Variants in WSCD1 observed in about 807,000 individuals in gnomAD.
The protein encoded by WSCD1 is WSC domain sialate O sulfotransferase 1, also known as sialate:O-sulfotransferase 1.
A neutral mutation model predicts 60.4 loss-of-function variants in WSCD1; 41 were observed. The ratio of observed to expected loss-of-function variants is 0.68; its 90% CI spans 0.53 to 0.88. The LOEUF (loss-of-function observed/expected upper bound fraction) is 0.88, where lower values mean the gene tolerates loss of function less well. Ranked by LOEUF, WSCD1 falls within the 40% of genes least tolerant of loss-of-function variation. WSCD1 has a pLI of 0.00. For missense variants in WSCD1, 784 were observed against 796.2 expected, an observed-to-expected ratio of 0.98 and a Z score of 0.18; for synonymous variants, 361 against 332.5, an observed-to-expected ratio of 1.09 and a Z score of -0.93.
chr17:6,094,993 G>A lies in WSCD1; in HGVS notation c.728-109G>A, dbSNP rs1597360394. On this transcript the variant is annotated intron_variant, in intron 4 of 8. Transcript: ENST00000317744. ...TCCCTCCCTGATTTGAACTCGCCTC[G>A]TAAGTTTATTTATACCTGTCTCAGG... 30 of 1,434,536 alleles carry A rather than the reference G, an allele frequency of 2.1e-5. No individual in the cohort carries two copies. The Middle Eastern group carries it at 9.2e-4, about 44-fold the overall frequency. The allele number at this position is 1,434,536 out of a possible 1,614,324, so 88.9% of individuals were successfully genotyped here.
Position 6,121,447 on chromosome 17 carries a change from C to A in WSCD1, c.*786C>A. 6.6e-6 allele frequency: 1 copy of A among 152,404 alleles called. No homozygotes were observed. The allele number at this position is 152,404 out of a possible 1,614,324, so 9.4% of individuals were successfully genotyped here. On this transcript the variant is annotated 3_prime_UTR_variant, in exon 9 of 9. Transcript: ENST00000317744. ...TGCACTGCCCACCACCCCCTTCAAC[C>A]CCTCCTACACCATGCTCCGGGGCCT...
rs1904641921 is a variant in WSCD1 at position 6,120,742 on chromosome 17, C to T, written c.*81C>T. The stretch of plus-strand genomic sequence containing the variant: ...GCGCTCCCCACTCTGATGCTCAGGC[C>T]CGTGGCCTCACTGGGACGAACGGTG... On this transcript the variant is annotated 3_prime_UTR_variant, in exon 9 of 9. Transcript: ENST00000317744. 2.1e-6 allele frequency: 3 copies of T among 1,457,626 alleles called. No individual in the cohort carries two copies. Among genetic ancestry groups the T allele is most frequent in the Non-Finnish European group, 1.8e-6 (2 of 1,081,868 alleles). The allele number at this position is 1,457,626 out of a possible 1,614,324, so 90.3% of individuals were successfully genotyped here. A position where few individuals can be genotyped will look rare whatever the true frequency, so the allele number is the denominator to read the frequency against.
In WSCD1 at chr17:6,118,990, C is replaced by G. The variant is rs2150572768; in HGVS notation, c.1375+802C>G. On this transcript the variant is annotated intron_variant, in intron 8 of 8. Transcript: ENST00000317744. This position sits in a 1 kb window ranked among gnomAD's most constrained non-coding sequence, Gnocchi z 5.8. The stretch of plus-strand genomic sequence containing the variant: ...TGGCTAATTCCATTCCCAGGAAGGG[C>G]CTGTTTTCAGGCTTGGAGACAGCTG... Among the ~76,000 whole-genome samples, 1 of 152,302 alleles carries G rather than the reference C, an allele frequency of 6.6e-6. No homozygotes were observed. The highest frequency in any genetic ancestry group is 1.9e-4 in the East Asian group (1 of 5,184).
intron 5 of WSCD1, among the ~76,000 whole-genome samples, 178 bp downstream of exon 5, chr17:6,095,401 C>T (rs1380186453): frequency 1.3e-5 from 2 of 152,176 alleles, no homozygotes; most frequent in Non-Finnish European, 2.9e-5. Flanking sequence ...GGCAGGGAGC[C>T]CTTCGCCTCT....
At chr17:6,108,278 G>A (rs920485429) in intron 5 of WSCD1, among the ~76,000 whole-genome samples, 4 of 152,140 alleles carry the variant, frequency 2.6e-5, no homozygotes, top group African/African-American at 9.7e-5. Context: ...TTATTTATGA[G>A]ATTTTTGCTG....
At chr17:6,069,804 TGC>T (rs1179751299), upstream of WSCD1, among the ~76,000 whole-genome samples, 2 of 122,932 alleles carry the variant, frequency 1.6e-5, no homozygotes, top group African/African-American at 7.7e-5. Flanking sequence ...TGTGTGTGCG[TGC>T]GTGTGTGGTG....
chr17:6,114,210 C>G (rs1911575076), intron 7 of WSCD1, among the ~76,000 whole-genome samples: 2 of 150,642 alleles, frequency 1.3e-5, no homozygotes, highest in African/African-American at 4.9e-5. Flanking sequence ...ATGGATGAGC[C>G]TAAGGGACAT....
chr17:6,108,386 ACT>A (rs1054648264), intron 5 of WSCD1, among the ~76,000 whole-genome samples: 20 of 151,926 alleles, frequency 1.3e-4, no homozygotes, highest in African/African-American at 4.8e-4. Context: ...CTCACAGATT[ACT>A]CTCTCATCTC....
At chr17:6,073,722 G>A (rs1908683121) in intron 1 of WSCD1, among the ~76,000 whole-genome samples, 1 of 152,258 alleles carries the variant, frequency 6.6e-6, no homozygotes, top group Non-Finnish European at 1.5e-5. Flanking sequence ...TCCAAATCAG[G>A]CACCAGGAAA....
intron 5 of WSCD1, among the ~76,000 whole-genome samples, chr17:6,107,415 C>T (rs1244685624): frequency 6.6e-6 from 1 of 151,930 alleles, no homozygotes; most frequent in Non-Finnish European, 1.5e-5. Flanking sequence ...GTAGGACAAT[C>T]GCTTGAACCC....
intron 5 of WSCD1, among the ~76,000 whole-genome samples, chr17:6,103,536 C>T (rs1293656386): frequency 6.6e-6 from 1 of 152,158 alleles, no homozygotes; most frequent in African/African-American, 2.4e-5. Flanking sequence ...GTCTGGGGCT[C>T]AAGTCTTCAG....
At chr17:6,071,250 G>T (rs1410607533) in intron 1 of WSCD1, 1 of 152,270 alleles carries the variant, frequency 6.6e-6, no homozygotes, top group African/African-American at 2.4e-5. Context: ...ACGACTGAAG[G>T]TTGCTAAATT....
intron 2 of WSCD1, chr17:6,084,828 C>T (rs761353907): frequency 3.9e-5 from 6 of 152,228 alleles, no homozygotes; most frequent in Non-Finnish European, 7.3e-5. Flanking sequence ...GTGTATCCCT[C>T]GGAAGTTCTT....
chr17:6,089,951 C>T (rs993373674), intron 3 of WSCD1, among the ~76,000 whole-genome samples: 3 of 152,276 alleles, frequency 2.0e-5, no homozygotes, highest in Admixed American at 1.3e-4. Context: ...GGCTGTGGCC[C>T]CTGTCTGTTC....
Position 6,118,208 on chromosome 17 carries a change from T to G in WSCD1, c.1375+20T>G. 6.2e-7 allele frequency: 1 copy of G among 1,611,668 alleles called. No individual in the cohort carries two copies. Among genetic ancestry groups the G allele is most frequent in the Non-Finnish European group, 8.5e-7 (1 of 1,178,960 alleles). On this transcript the variant is annotated intron_variant, in intron 8 of 8. Coordinates refer to ENST00000317744, the MANE Select transcript of WSCD1 (RefSeq NM_015253.2). This position sits in a 1 kb window ranked among gnomAD's most constrained non-coding sequence, Gnocchi z 5.8. Reference sequence around the variant, plus strand: ...GCAAAGGTAATCAAGGACCTTGCGGTGGGGGTGGGAGGCTTGTCAGTACAG... The same window carrying G: ...GCAAAGGTAATCAAGGACCTTGCGGGGGGGGTGGGAGGCTTGTCAGTACAG...
In WSCD1 at chr17:6,096,129, A is replaced by G. The variant is rs560386436; in HGVS notation, c.849+906A>G. Among the ~76,000 whole-genome samples, 12 of 152,266 alleles carry G rather than the reference A, an allele frequency of 7.9e-5. No individual in the cohort carries two copies. In the East Asian group the frequency reaches 2.3e-3, roughly 29 times the overall value. On this transcript the variant is annotated intron_variant, in intron 5 of 8. Transcript: ENST00000317744. ...ACTGTTCCAAGCGCTTTATGGGTTA[A>G]CTCATTTAATCCTCCTAACAACCCT...
At chr17:6,108,205 T>C (rs891065994) in intron 5 of WSCD1, among the ~76,000 whole-genome samples, 2 of 152,332 alleles carry the variant, frequency 1.3e-5, no homozygotes, top group Middle Eastern at 3.4e-3. Flanking sequence ...CTTTTATGAG[T>C]GCCCAAATCC....
At chr17:6,105,184 C>T (rs1387253736) in intron 5 of WSCD1, among the ~76,000 whole-genome samples, 1 of 152,200 alleles carries the variant, frequency 6.6e-6, no homozygotes, top group Non-Finnish European at 1.5e-5. Flanking sequence ...ACCCATACCT[C>T]AGCCCAGCCC....
rs753699735 is a variant in WSCD1, at chr17:6,080,016, T to C, written c.-288-355T>C. 1 of 152,484 alleles carries C rather than the reference T, an allele frequency of 6.6e-6. No homozygotes were observed. The highest frequency in any genetic ancestry group is 1.5e-5 in the Non-Finnish European group (1 of 68,260). The allele number at this position is 152,484 out of a possible 1,614,324, so 9.4% of individuals were successfully genotyped here. On this transcript the variant is annotated intron_variant, in intron 1 of 8. Coordinates refer to ENST00000317744, the MANE Select transcript of WSCD1 (RefSeq NM_015253.2). The surrounding 1 kb of genome is among the most constrained non-coding windows in gnomAD (Gnocchi z 6.6). ...GGGTTAAGTGAGATAATATGTAAAGTGTTTAGCTGAGTGCTTGACACACAG... is the reference window on the plus strand; with the variant it reads ...GGGTTAAGTGAGATAATATGTAAAGCGTTTAGCTGAGTGCTTGACACACAG...
Sources: allele counts gnomAD v4.1 joint callset (sites outside exome capture counted in the v4.1 genomes callset), GRCh38; gene constraint gnomAD v4.1.1; non-coding constraint Gnocchi (gnomAD v3.1); transcripts MANE v1.5; gene names NCBI Gene and HGNC (gene_info 2026-07-23, HGNC 2026-07-21).